AKAP9: variants seen among roughly 807,000 people sequenced by gnomAD.
AKAP9 encodes the protein A-kinase anchor protein 9.
Under a neutral mutation model 488.5 loss-of-function variants are expected in AKAP9, and 311 were observed. The ratio of observed to expected loss-of-function variants is 0.64; its 90% CI spans 0.58 to 0.70. The LOEUF is 0.70. Among genes scored for constraint, AKAP9 ranks in the 30% least tolerant of loss-of-function variants. The probability of loss-of-function intolerance (pLI) is 0.00; values close to 1 mark genes in which losing one functional copy is unlikely to be tolerated. For missense variants in AKAP9, 4,215 were observed against 4,374.5 expected, an observed-to-expected ratio of 0.96 and a Z score of 1.03; for synonymous variants, 1,462 against 1,483.5, an observed-to-expected ratio of 0.99 and a Z score of 0.33.
intron 15 of AKAP9, among the ~76,000 whole-genome samples, chr7:92,030,876 T>G (rs765219667): frequency 8.5e-5 from 13 of 152,176 alleles, no homozygotes; most frequent in Non-Finnish European, 1.8e-4. Flanking sequence ...TGGTCTTCAC[T>G]CAGTAGATTT....
At chr7:92,010,653 C>A (rs994267437) in intron 8 of AKAP9, among the ~76,000 whole-genome samples, 4 of 152,100 alleles carry the variant, frequency 2.6e-5, no homozygotes, top group African/African-American at 9.7e-5. Context: ...GCCATCATGC[C>A]TGGCCTTATT....
Position 92,110,551 on chromosome 7 carries a change from T to C in AKAP9, c.*392T>C. 1 of 258,464 alleles carries C rather than the reference T, an allele frequency of 3.9e-6. No homozygotes were observed. The highest frequency in any genetic ancestry group is 7.5e-6 in the Non-Finnish European group (1 of 133,588). 16.0% of individuals were successfully genotyped at this position (258,464 alleles called of 1,614,324 possible). A position where few individuals can be genotyped will look rare whatever the true frequency, so the allele number is the denominator to read the frequency against. On this transcript the variant is annotated 3_prime_UTR_variant, in exon 50 of 50. Coordinates refer to ENST00000356239, the MANE Select transcript of AKAP9 (RefSeq NM_005751.5). ...ACATGTTTTGCCTAATATATTCTAC[T>C]GGTGATGAAGACAGATAATATCACT...
At position 92,066,776 on chromosome 7, in the gene AKAP9, A is replaced by G. The variant is rs189693348; in HGVS notation, c.6330+230A>G. Among the ~76,000 whole-genome samples the G allele has an allele frequency of 2.4e-3, 366 of 152,304 alleles. 3 individuals carry two copies. Among genetic ancestry groups the G allele is most frequent in the African/African-American group, 8.4e-3 (349 of 41,558 alleles). On this transcript the variant is annotated intron_variant, in intron 26 of 49. Transcript: ENST00000356239. ...ATGTCTTCTAGTATTTCTCAATTAA[A>G]TAAACTCTGTTTATTTCTTTATTCC... is the stretch of plus-strand genomic sequence containing the variant.
chr7:91,944,268 A>G (rs1242343750), intron 1 of AKAP9, among the ~76,000 whole-genome samples: 2 of 152,188 alleles, frequency 1.3e-5, no homozygotes, highest in African/African-American at 4.8e-5. Flanking sequence ...AAAAAGCACC[A>G]AGATGTAAAT....
intron 13 of AKAP9, 41 bp from the exon 14 acceptor site, chr7:92,022,773 T>A: frequency 7.7e-7 from 1 of 1,302,916 alleles, no homozygotes; most frequent in East Asian, 2.3e-5. Flanking sequence ...CTAAGAAACT[T>A]ATATTGAAAT....
At chr7:92,027,234 GC>G in intron 14 of AKAP9, among the ~76,000 whole-genome samples, 1 of 134,654 alleles carries the variant, frequency 7.4e-6, no homozygotes, top group Admixed American at 7.7e-5. Flanking sequence ...GAGCGCCTCT[GC>G]CCGGCTGCCC....
chr7:92,052,218 C>T (rs1563053410), intron 21 of AKAP9, among the ~76,000 whole-genome samples: 1 of 152,128 alleles, frequency 6.6e-6, no homozygotes, highest in Non-Finnish European at 1.5e-5. Context: ...TCCTGTACTC[C>T]CAATGTAGGC....
chr7:91,991,692 C>T (rs933674880), intron 3 of AKAP9, among the ~76,000 whole-genome samples: 2 of 151,752 alleles, frequency 1.3e-5, no homozygotes, highest in Admixed American at 6.6e-5. Context: ...AGGATGGTCT[C>T]GATCTCCTGA....
intron 11 of AKAP9, 30 bp downstream of exon 11, chr7:92,016,297 G>A: frequency 7.1e-7 from 1 of 1,407,500 alleles, no homozygotes. Context: ...CTATTAAACA[G>A]TATTTAATCC....
Position 92,086,354 on chromosome 7 carries a change from G to A in AKAP9, c.9151G>A (p.Ala3051Thr). The part of the protein sequence containing the change: ...LLAAFRTELT[A>T]LGTTDAVGLL... ...AGCAGCATTTCGGACGGAGCTGACAGCTCTAGGTACTACAGATGCAGTTGG... is the reference window on the plus strand; with the variant it reads ...AGCAGCATTTCGGACGGAGCTGACAACTCTAGGTACTACAGATGCAGTTGG... The change falls in exon 37 of 50, where the codon GCT becomes ACT. Residue 3051 changes from alanine to threonine, a missense_variant. Transcript: ENST00000356239. 1 of 1,614,050 alleles carries A rather than the reference G, an allele frequency of 6.2e-7. No homozygotes were observed. Among genetic ancestry groups the A allele is most frequent in the Non-Finnish European group, 8.5e-7 (1 of 1,179,978 alleles).
intron 1 of AKAP9, among the ~76,000 whole-genome samples, chr7:91,966,092 A>G (rs1274963834): frequency 6.6e-6 from 1 of 152,118 alleles, no homozygotes; most frequent in Non-Finnish European, 1.5e-5. Flanking sequence ...ATGTCTCACT[A>G]TGTTATCCAG....
chr7:91,963,261 C>T (rs1320565855), intron 1 of AKAP9, among the ~76,000 whole-genome samples: 1 of 152,020 alleles, frequency 6.6e-6, no homozygotes, highest in Non-Finnish European at 1.5e-5. Flanking sequence ...GCACCTGTTC[C>T]TCAAGGAGAC....
rs1175318913 is a variant in AKAP9 at position 92,107,394 on chromosome 7, A to G, written c.11518A>G (p.Ile3840Val). 4 of 1,613,744 alleles carry G rather than the reference A, an allele frequency of 2.5e-6. No individual in the cohort carries two copies. Among genetic ancestry groups the G allele is most frequent in the Middle Eastern group, 1.6e-4 (1 of 6,082 alleles). ...TCGCTCAAGATCAGATCTGGACTAT[A>G]TTAGGTCCCCTTTACCATTTCAGAA... is the stretch of plus-strand genomic sequence containing the variant. ...TYRSRSDLDYIRSPLPFQNRY... is the reference protein window; with the variant it reads ...TYRSRSDLDYVRSPLPFQNRY... Residue 3840 changes from isoleucine to valine, a missense_variant, in exon 48 of 50, where the codon ATT becomes GTT. By Grantham distance (29) the Ile-to-Val change is conservative. Transcript: ENST00000356239.
At chr7:92,057,971 T>G in intron 22 of AKAP9, 1 of 234,914 alleles carries the variant, frequency 4.3e-6, no homozygotes. Context: ...TTTTTTAGAT[T>G]TGTAGTTTTT....
At chr7:91,942,882 C>T (rs2130431157) in intron 1 of AKAP9, among the ~76,000 whole-genome samples, 1 of 152,092 alleles carries the variant, frequency 6.6e-6, no homozygotes, top group Non-Finnish European at 1.5e-5. Flanking sequence ...AGATATAAAT[C>T]TATGAGACTT....
intron 7 of AKAP9, among the ~76,000 whole-genome samples, chr7:91,998,285 A>G (rs1398582639): frequency 2.0e-5 from 3 of 152,144 alleles, no homozygotes; most frequent in Non-Finnish European, 4.4e-5. Flanking sequence ...CCCCTTCCCT[A>G]CACAACTGTG....
At chr7:92,074,564 T>C (rs1812249646) in intron 28 of AKAP9, among the ~76,000 whole-genome samples, 1 of 152,138 alleles carries the variant, frequency 6.6e-6, no homozygotes, top group Non-Finnish European at 1.5e-5. Flanking sequence ...CATGCACACA[T>C]AGGTTTATTG....
intron 1 of AKAP9, among the ~76,000 whole-genome samples, chr7:91,961,701 G>A (rs576041513): frequency 1.1e-3 from 160 of 151,698 alleles, no homozygotes; most frequent in African/African-American, 3.7e-3. Flanking sequence ...AAAATTAGCC[G>A]GGTGTGGTGC....
chr7:92,014,264 C>T lies in AKAP9; in HGVS notation c.3548C>T (p.Pro1183Leu). 1 of 1,611,994 alleles carries T rather than the reference C, an allele frequency of 6.2e-7. No individual in the cohort carries two copies. Among genetic ancestry groups the T allele is most frequent in the Non-Finnish European group, 8.5e-7 (1 of 1,178,296 alleles). ...KTQETGDEGK[P>L]LHLLIGKLQK... is the part of the protein sequence containing the mutation. Reference sequence around the variant, plus strand: ...GTTCTATTAGGTGATGAAGGAAAGCCTTTACATCTGCTCATTGGAAAACTT... The same window carrying T: ...GTTCTATTAGGTGATGAAGGAAAGCTTTTACATCTGCTCATTGGAAAACTT... The change falls in exon 10 of 50, where the codon CCT (proline) becomes CTT (leucine). Residue 1183 changes from proline (P) to leucine (L), a missense_variant. By Grantham distance (98) the Pro-to-Leu change is moderately conservative. Transcript: ENST00000356239.
Sources: allele counts gnomAD v4.1 joint callset (sites outside exome capture counted in the v4.1 genomes callset), GRCh38; gene constraint gnomAD v4.1.1; transcripts MANE v1.5; gene names NCBI Gene and HGNC (gene_info 2026-07-23, HGNC 2026-07-21).